NEDD9: variants seen among roughly 807,000 people sequenced by gnomAD.
The protein encoded by NEDD9 is enhancer of filamentation 1.
NEDD9 carries 26 observed loss-of-function variants against 76.6 expected under a neutral mutation model. The observed-to-expected ratio is 0.34, with a 90% CI of 0.25 to 0.47. The LOEUF (loss-of-function observed/expected upper bound fraction) is 0.47. Among genes scored for constraint, NEDD9 ranks in the 20% least tolerant of loss-of-function variants. The probability of loss-of-function intolerance (pLI) is 1.00; values close to 1 mark genes in which losing one functional copy is unlikely to be tolerated. For synonymous variants in NEDD9, 392 were observed against 414.2 expected, an observed-to-expected ratio of 0.95 and a Z score of 0.65; for missense variants, 937 against 1,058.5, an observed-to-expected ratio of 0.89 and a Z score of 1.59.
intron 2 of NEDD9, among the ~76,000 whole-genome samples, chr6:11,211,171 A>T (rs1462436732): frequency 2.6e-5 from 4 of 152,130 alleles, no homozygotes; most frequent in African/African-American, 9.7e-5. Context: ...GCAAAACAAA[A>T]CATGGAATGT....
chr6:11,202,421 T>G (rs1370354784), intron 2 of NEDD9, among the ~76,000 whole-genome samples: 5 of 152,214 alleles, frequency 3.3e-5, no homozygotes, highest in Non-Finnish European at 5.9e-5. Flanking sequence ...ATGAACTATT[T>G]GATCCCTTCC....
chr6:11,257,775 CTGTGTGTG>C (rs3067253), intron 3 of NEDD9, among the ~76,000 whole-genome samples: 4 of 142,966 alleles, frequency 2.8e-5, no homozygotes, highest in East Asian at 2.1e-4. Context: ...AATGTAGATT[CTGTGTGTG>C]TGTGTGTGTG....
intron 3 of NEDD9, among the ~76,000 whole-genome samples, chr6:11,245,389 C>T (rs571286677): frequency 1.1e-4 from 17 of 152,286 alleles, no homozygotes; most frequent in African/African-American, 2.6e-4. Context: ...TGTGTGATAG[C>T]GGCAGTGTTT....
chr6:11,200,191 G>T, intron 2 of NEDD9: 1 of 414,346 alleles, frequency 2.4e-6, no homozygotes, highest in African/African-American at 2.1e-5. Flanking sequence ...ACCAAGGCAG[G>T]GACCCCAAAC....
intron 2 of NEDD9, among the ~76,000 whole-genome samples, chr6:11,319,088 A>G (rs1302886684): frequency 6.6e-6 from 1 of 152,256 alleles, no homozygotes; most frequent in Non-Finnish European, 1.5e-5. Flanking sequence ...AAAGATAAAC[A>G]ACTTTATTTG....
rs9368618 is a variant in NEDD9, at chr6:11,224,233, C to G, written c.12+8271G>C. On this transcript the variant is annotated intron_variant, in intron 1 of 6. Coordinates refer to ENST00000379446, the MANE Select transcript of NEDD9 (RefSeq NM_006403.4). ...AAATTCAATCAACGTTATGTGTTCT[C>G]TAATTGACAAGGTGATGTCTGTAAG... 4.9e-4 allele frequency among the ~76,000 whole-genome samples: 74 copies of G among 152,308 alleles called. 1 individual carries two copies. The East Asian group carries it at 0.013, about 27-fold the overall frequency.
chr6:11,370,740 C>A lies in NEDD9; in HGVS notation c.-214+11399G>T, dbSNP rs551500174. On this transcript the variant is annotated intron_variant, in intron 1 of 3. Coordinates refer to the NEDD9 transcript ENST00000397378. The surrounding 1 kb of genome is among the most constrained non-coding windows in gnomAD (Gnocchi z 4.2). ...TCAGCAGATGTCCCTCCAGCACCTCCCATGTGCCAAGAACACAGCAGGGGA... is the reference window on the plus strand; with the variant it reads ...TCAGCAGATGTCCCTCCAGCACCTCACATGTGCCAAGAACACAGCAGGGGA... Among the ~76,000 whole-genome samples, 5 of 152,332 alleles carry A rather than the reference C, an allele frequency of 3.3e-5. No homozygotes were observed. The highest frequency in any genetic ancestry group is 2.1e-4 in the South Asian group (1 of 4,830).
intron 3 of NEDD9, among the ~76,000 whole-genome samples, chr6:11,249,471 A>G (rs1759871744): frequency 6.6e-6 from 1 of 152,168 alleles, no homozygotes; most frequent in Non-Finnish European, 1.5e-5. Context: ...GCCAGCAGGA[A>G]AGAAGAATTA....
rs1254387233 is a variant in NEDD9 at position 11,190,645 on chromosome 6, T to G, written c.1224A>C (p.Thr408=). ...QDKRLFLDPD[T]AIERLQRLQQ... ...GGAGCCGCTGAAGTCTCTCAATAGC[T>G]GTGTCTGGATCCAGGAAGAGCCTTT... Residue 408 remains threonine (T), a synonymous_variant, in exon 5 of 7, where the codon ACA becomes ACC. Coordinates refer to ENST00000379446, the MANE Select transcript of NEDD9 (RefSeq NM_006403.4). The surrounding 1 kb of genome is among the most constrained non-coding windows in gnomAD (Gnocchi z 5.8). 6.2e-7 allele frequency: 1 copy of G among 1,614,158 alleles called. No homozygotes were observed. Among genetic ancestry groups the G allele is most frequent in the Non-Finnish European group, 8.5e-7 (1 of 1,180,028 alleles).
intron 3 of NEDD9, among the ~76,000 whole-genome samples, chr6:11,238,692 G>A (rs896179124): frequency 1.3e-5 from 2 of 152,104 alleles, no homozygotes; most frequent in African/African-American, 4.8e-5. Context: ...CTCCATTGTT[G>A]CTCTCCTCCC....
chr6:11,360,324 C>A (rs1411752289), intron 1 of NEDD9, among the ~76,000 whole-genome samples: 1 of 152,136 alleles, frequency 6.6e-6, no homozygotes, highest in African/African-American at 2.4e-5. Flanking sequence ...CAAGAGTCTG[C>A]CAGGAATTTA....
At chr6:11,377,702 G>A (rs989716145) in intron 1 of NEDD9, among the ~76,000 whole-genome samples, 1 of 152,132 alleles carries the variant, frequency 6.6e-6, no homozygotes, top group African/African-American at 2.4e-5. Flanking sequence ...TTCAGACTTC[G>A]GGAGACTACT....
intron 3 of NEDD9, among the ~76,000 whole-genome samples, chr6:11,276,004 T>C (rs1214502605): frequency 6.6e-6 from 1 of 152,230 alleles, no homozygotes; most frequent in African/African-American, 2.4e-5. Flanking sequence ...AGTGTTTTAA[T>C]CATAAGAAAT....
At chr6:11,377,967 G>T (rs1401728109) in intron 1 of NEDD9, among the ~76,000 whole-genome samples, 1 of 152,168 alleles carries the variant, frequency 6.6e-6, no homozygotes, top group East Asian at 1.9e-4. Flanking sequence ...TTTAGGCCAG[G>T]CGCAGTGGCT....
upstream of NEDD9, chr6:11,233,439 G>C (rs1177119754): frequency 1.9e-6 from 1 of 518,826 alleles, no homozygotes; most frequent in Admixed American, 1.9e-5. Context: ...GGGTTGGCCA[G>C]TGCACGCCCT....
Position 11,213,352 on chromosome 6 carries a change from C to T in NEDD9, c.388G>A (p.Glu130Lys), listed in dbSNP as rs895938782. The change falls in exon 2 of 7, where the codon GAG (glutamate) becomes AAG (lysine). Residue 130 changes from glutamate to lysine, a missense_variant. By Grantham distance (56) the Glu-to-Lys change is moderately conservative. Coordinates refer to ENST00000379446, the MANE Select transcript of NEDD9 (RefSeq NM_006403.4). The surrounding 1 kb of genome is among the most constrained non-coding windows in gnomAD (Gnocchi z 5.4). ...ACTGATGGTGGCACCTGATATACCT[C>T]TTGTTCTTGGGTGCCGTGGCCAGTG... Reference protein sequence around the residue: ...VPTGHGTQEQEVYQVPPSVQR... With the variant: ...VPTGHGTQEQKVYQVPPSVQR... 4 of 1,614,014 alleles carry T rather than the reference C, an allele frequency of 2.5e-6. No homozygotes were observed. The highest frequency in any genetic ancestry group is 1.3e-5 in the African/African-American group (1 of 74,898).
chr6:11,278,368 C>A (rs553289861), intron 3 of NEDD9, among the ~76,000 whole-genome samples: 1 of 152,264 alleles, frequency 6.6e-6, no homozygotes, highest in East Asian at 1.9e-4. Context: ...GTCCTTCCAA[C>A]ACTTATAGAT....
intron 3 of NEDD9, among the ~76,000 whole-genome samples, chr6:11,268,184 C>T (rs1230949371): frequency 3.3e-5 from 5 of 152,102 alleles, no homozygotes; most frequent in Admixed American, 1.3e-4. Context: ...CATGCGCCAC[C>T]GAGACTGCAT....
chr6:11,340,845 CT>C (rs1035275621), intron 1 of NEDD9, among the ~76,000 whole-genome samples: 3 of 152,204 alleles, frequency 2.0e-5, no homozygotes, highest in Non-Finnish European at 4.4e-5. Context: ...TTTCCAATGA[CT>C]TTTCATCTCA....
Sources: allele counts gnomAD v4.1 joint callset (sites outside exome capture counted in the v4.1 genomes callset), GRCh38; gene constraint gnomAD v4.1.1; non-coding constraint Gnocchi (gnomAD v3.1); transcripts MANE v1.5; gene names NCBI Gene and HGNC (gene_info 2026-07-23, HGNC 2026-07-21).